ALKBH8: variants seen among roughly 807,000 people sequenced by gnomAD.
The protein encoded by ALKBH8 is alkB homolog 8, tRNA methyltransferase.
In ALKBH8, 36 loss-of-function variants were observed where a neutral mutation model predicts 59.8. The observed-to-expected ratio is 0.60, with a 90% CI of 0.46 to 0.79. The LOEUF (loss-of-function observed/expected upper bound fraction) is 0.79. ALKBH8 is among the 30% of genes least tolerant of loss of function. The pLI, the probability that ALKBH8 is intolerant of heterozygous loss-of-function variation, is 0.00. For missense variants in ALKBH8, 768 were observed against 801.0 expected (o/e 0.96, Z 0.50); for synonymous variants, 276 against 273.6 (o/e 1.01, Z -0.09).
At chr11:107,519,092 G>A (rs1048238705) in intron 10 of ALKBH8, among the ~76,000 whole-genome samples, 1 of 150,340 alleles carries the variant, frequency 6.7e-6, no homozygotes, top group Admixed American at 6.6e-5. Context: ...GTACCCTGCT[G>A]GTTATATTTT....
chr11:107,565,365 A>G (rs574686923), intron 1 of ALKBH8: 2 of 590,870 alleles, frequency 3.4e-6, no homozygotes, highest in South Asian at 4.1e-5. Flanking sequence ...AGATTGACAC[A>G]GGCACCACGT....
At chr11:107,509,567 T>C (rs948081639) in intron 11 of ALKBH8, among the ~76,000 whole-genome samples, 2 of 151,776 alleles carry the variant, frequency 1.3e-5, no homozygotes, top group Non-Finnish European at 2.9e-5. Context: ...CAAGAAATCA[T>C]TGCCAAATAC....
Position 107,556,997 on chromosome 11 carries a change from C to G in ALKBH8, c.136G>C (p.Val46Leu). The G allele has an allele frequency of 1.3e-6, 2 of 1,562,882 alleles. No individual in the cohort carries two copies. The highest frequency in any genetic ancestry group is 1.7e-6 in the Non-Finnish European group (2 of 1,156,302). ...ETVSYATQSL[V>L]VANGGLGNGV... is the part of the protein sequence containing the mutation. ...TTACCCAAACCACCATTGGCAACAA[C>G]CAGGCTCTTAAAAAACAAACAAACA... is the stretch of plus-strand genomic sequence containing the variant. Residue 46 changes from valine to leucine, a missense_variant, in exon 3 of 12, where the codon GTT becomes CTT. Physicochemically the swap from Val to Leu is conservative, Grantham distance 32 (BLOSUM62 1). Coordinates refer to ENST00000428149, the MANE Select transcript of ALKBH8 (RefSeq NM_138775.3).
At chr11:107,552,215 T>G (rs9326219) in intron 5 of ALKBH8, among the ~76,000 whole-genome samples, 1 of 151,630 alleles carries the variant, frequency 6.6e-6, no homozygotes, top group African/African-American at 2.4e-5. Context: ...GTCCACTTTC[T>G]TTTTTTGTTA....
intron 8 of ALKBH8, among the ~76,000 whole-genome samples, chr11:107,530,104 T>A (rs957731018): frequency 6.6e-6 from 1 of 152,152 alleles, no homozygotes; most frequent in Non-Finnish European, 1.5e-5. Context: ...AACTCCTAAT[T>A]TTTATATGTA....
At chr11:107,562,176 G>A (rs918058178) in intron 1 of ALKBH8, among the ~76,000 whole-genome samples, 1 of 152,032 alleles carries the variant, frequency 6.6e-6, no homozygotes, top group Admixed American at 6.6e-5. Context: ...GTGGGCACCT[G>A]TAGTCCCAAC....
chr11:107,505,616 C>T (rs147752050), intron 11 of ALKBH8, among the ~76,000 whole-genome samples: 10 of 152,280 alleles, frequency 6.6e-5, no homozygotes, highest in Non-Finnish European at 1.0e-4. Context: ...ATAGCCTTGA[C>T]GAAGTTGTTT....
At chr11:107,565,416 T>G (rs1865091102) in intron 1 of ALKBH8, 185 bp downstream of exon 1, 1 of 728,682 alleles carries the variant, frequency 1.4e-6, no homozygotes, top group Non-Finnish European at 2.2e-6. Flanking sequence ...CCCTAAACAC[T>G]GAGAGAACCA....
At chr11:107,524,861 T>C (rs182729331) in intron 9 of ALKBH8, among the ~76,000 whole-genome samples, 2 of 152,278 alleles carry the variant, frequency 1.3e-5, no homozygotes, top group African/African-American at 4.8e-5. Flanking sequence ...ATTTACAAAA[T>C]GAAAGAGGTG....
intron 10 of ALKBH8, among the ~76,000 whole-genome samples, chr11:107,519,408 T>C (rs1206960084): frequency 6.6e-6 from 1 of 152,188 alleles, no homozygotes; most frequent in African/African-American, 2.4e-5. Flanking sequence ...CCCAGCCTAT[T>C]ATTTTTATTT....
chr11:107,541,893 C>T (rs536920461), intron 7 of ALKBH8, among the ~76,000 whole-genome samples: 15 of 151,842 alleles, frequency 9.9e-5, no homozygotes, highest in East Asian at 3.9e-4. Context: ...GGAACAGAAA[C>T]GATAAAAAAG....
At chr11:107,537,648 C>T (rs1407658633) in intron 7 of ALKBH8, among the ~76,000 whole-genome samples, 1 of 151,646 alleles carries the variant, frequency 6.6e-6, no homozygotes, top group Non-Finnish European at 1.5e-5. Flanking sequence ...TGCAGCAAAC[C>T]ACCATGGAAC....
At chr11:107,533,800 T>C (rs1462919704) in intron 7 of ALKBH8, among the ~76,000 whole-genome samples, 2 of 152,140 alleles carry the variant, frequency 1.3e-5, no homozygotes, top group African/African-American at 4.8e-5. Context: ...CATATAAGTA[T>C]TTACTGTACA....
intron 7 of ALKBH8, among the ~76,000 whole-genome samples, chr11:107,539,687 AAAC>A (rs1359215306): frequency 1.3e-5 from 2 of 152,204 alleles, no homozygotes; most frequent in African/African-American, 4.8e-5. Context: ...TTAAAAAACA[AAAC>A]AACAACAAAA....
rs1382881785 is a variant in ALKBH8 at position 107,560,764 on chromosome 11, C to T, written c.129+1G>A. 1.9e-6 allele frequency: 3 copies of T among 1,605,462 alleles called. No individual in the cohort carries two copies. The Admixed American group carries it at 5.2e-5, about 28-fold the overall frequency. On this transcript the variant is annotated splice_donor_variant, in intron 2 of 11. Transcript: ENST00000428149. LOFTEE classifies it high-confidence loss of function. ...TAATAATAATAGTAGTTTTAGGTCA[C>T]CTGAGTGGCATAGGATACTGTCTCA...
At chr11:107,514,621 C>A (rs1313285642) in intron 10 of ALKBH8, among the ~76,000 whole-genome samples, 2 of 152,152 alleles carry the variant, frequency 1.3e-5, no homozygotes, top group African/African-American at 2.4e-5. Context: ...TATTTTCATG[C>A]ATATTCTATG....
At chr11:107,533,989 G>A (rs906210608) in intron 7 of ALKBH8, among the ~76,000 whole-genome samples, 2 of 152,068 alleles carry the variant, frequency 1.3e-5, no homozygotes, top group Non-Finnish European at 2.9e-5. Flanking sequence ...CATTAGCCGG[G>A]CATAGTGGTG....
intron 7 of ALKBH8, among the ~76,000 whole-genome samples, chr11:107,548,880 T>C (rs1864377160): frequency 6.6e-6 from 1 of 150,980 alleles, no homozygotes; most frequent in African/African-American, 2.4e-5. Context: ...AGTCAGAGTC[T>C]CACTCTGTCA....
Position 107,553,844 on chromosome 11 carries a change from T to C in ALKBH8, c.499+3A>G, listed in dbSNP as rs1256336175. ...AATATCAGATTTTGAAAGTTTTACT[T>C]ACAGTTTTGATTGTCTGTATCTTCT... On this transcript the variant is annotated splice_donor_region_variant and intron_variant, in intron 4 of 11. Coordinates refer to ENST00000428149, the MANE Select transcript of ALKBH8 (RefSeq NM_138775.3). 1.2e-6 allele frequency: 2 copies of C among 1,606,966 alleles called. No homozygotes were observed. Among genetic ancestry groups the C allele is most frequent in the Admixed American group, 3.5e-5 (2 of 57,752 alleles).
Sources: allele counts gnomAD v4.1 joint callset (sites outside exome capture counted in the v4.1 genomes callset), GRCh38; gene constraint gnomAD v4.1.1; transcripts MANE v1.5; gene names NCBI Gene and HGNC (gene_info 2026-07-23, HGNC 2026-07-21).